The following GABRB1 variants were observed in gnomAD, a reference collection of about 807,000 sequenced individuals.
GABRB1 encodes the protein gamma-aminobutyric acid receptor subunit beta-1.
A neutral mutation model predicts 51.6 loss-of-function variants in GABRB1; 17 were observed. The observed-to-expected ratio is 0.33, with a 90% CI of 0.23 to 0.49. The LOEUF (loss-of-function observed/expected upper bound fraction) is 0.49. Ranked by LOEUF, GABRB1 falls within the 20% of genes least tolerant of loss-of-function variation. The probability of loss-of-function intolerance (pLI) is 0.99; values close to 1 mark genes in which losing one functional copy is unlikely to be tolerated. For missense variants in GABRB1, 410 were observed against 600.6 expected (o/e 0.68, Z 3.32); for synonymous variants, 247 against 218.9 (o/e 1.13, Z -1.14).
intron 3 of GABRB1, among the ~76,000 whole-genome samples, chr4:47,098,668 T>C (rs886603388): frequency 6.6e-6 from 1 of 152,094 alleles, no homozygotes; most frequent in African/African-American, 2.4e-5. Context: ...AGAGTAAAAA[T>C]TGATATTCAC....
intron 1 of GABRB1, among the ~76,000 whole-genome samples, chr4:47,001,371 T>C (rs1213770539): frequency 1.3e-5 from 2 of 152,156 alleles, no homozygotes; most frequent in African/African-American, 2.4e-5. Context: ...CTGAATCTCC[T>C]GACCTCGTGA....
At chr4:47,019,986 A>G (rs28570323) in intron 1 of GABRB1, among the ~76,000 whole-genome samples, 5,126 of 151,514 alleles carry the variant, frequency 0.034, 271 homozygotes, top group African/African-American at 0.12. Context: ...GGGTTTCACC[A>G]TGTTGCCTAG....
intron 3 of GABRB1, among the ~76,000 whole-genome samples, chr4:47,042,717 G>C (rs1028299376): frequency 2.0e-5 from 3 of 151,664 alleles, no homozygotes; most frequent in Admixed American, 2.0e-4. Flanking sequence ...TTTTAAATAA[G>C]AATAGTTATA....
intron 3 of GABRB1, 96 bp downstream of exon 3, chr4:47,032,580 C>A (rs536459956): frequency 1.7e-6 from 2 of 1,197,168 alleles, no homozygotes; most frequent in Non-Finnish European, 2.5e-6. Context: ...GGTCACCTCG[C>A]CCCTGGCCCC....
intron 3 of GABRB1, among the ~76,000 whole-genome samples, chr4:47,088,996 A>G (rs1728187247): frequency 6.6e-6 from 1 of 152,336 alleles, no homozygotes; most frequent in Non-Finnish European, 1.5e-5. Flanking sequence ...TTCTTCTTCT[A>G]GCTGCCAATT....
chr4:47,122,674 A>G (rs1430613396), intron 3 of GABRB1, among the ~76,000 whole-genome samples: 2 of 152,186 alleles, frequency 1.3e-5, no homozygotes, highest in African/African-American at 2.4e-5. Flanking sequence ...GAGGGGAAGT[A>G]TGATAGACTT....
chr4:47,111,230 T>C (rs1715197010), intron 3 of GABRB1, among the ~76,000 whole-genome samples: 1 of 152,086 alleles, frequency 6.6e-6, no homozygotes, highest in African/African-American at 2.4e-5. Context: ...TTGAAGATAA[T>C]TTTTCAACGT....
At position 47,231,927 on chromosome 4, in the gene GABRB1, T is replaced by A. The variant is rs576812250; in HGVS notation, c.461+70458T>A. 2.0e-5 allele frequency among the ~76,000 whole-genome samples: 3 copies of A among 152,334 alleles called. No individual in the cohort carries two copies. In the East Asian group the frequency reaches 5.8e-4, roughly 29 times the overall value. ...CATTATCATTAGCTTGTTGTATTTT[T>A]AAAATATTGTATCCAAGTAGCGTTA... is the stretch of plus-strand genomic sequence containing the variant. On this transcript the variant is annotated intron_variant, in intron 4 of 8. Transcript: ENST00000295454.
chr4:47,265,544 T>C (rs1407351766), intron 4 of GABRB1, among the ~76,000 whole-genome samples: 1 of 152,200 alleles, frequency 6.6e-6, no homozygotes, highest in Non-Finnish European at 1.5e-5. Flanking sequence ...GTTGTACTAG[T>C]TTATATGCCC....
At chr4:47,406,654 A>C in intron 7 of GABRB1, 28 bp from the exon 8 acceptor site, 1 of 1,612,946 alleles carries the variant, frequency 6.2e-7, no homozygotes, top group South Asian at 1.1e-5. Flanking sequence ...TGGCACCTTC[A>C]GCTAAGTGTT....
chr4:47,174,980 A>T (rs192803955), intron 4 of GABRB1, among the ~76,000 whole-genome samples: 1,336 of 101,828 alleles, frequency 0.013, 21 homozygotes, highest in African/African-American at 0.049. Flanking sequence ...TCCTTTCATC[A>T]TTCCTTCCTT....
chr4:47,091,420 G>A (rs929409924), intron 3 of GABRB1, among the ~76,000 whole-genome samples: 2 of 151,994 alleles, frequency 1.3e-5, no homozygotes, highest in African/African-American at 4.8e-5. Context: ...AAAATATACT[G>A]AGGAGTTAGA....
chr4:47,156,314 T>A (rs772155105), intron 3 of GABRB1, among the ~76,000 whole-genome samples: 1 of 152,038 alleles, frequency 6.6e-6, no homozygotes, highest in Non-Finnish European at 1.5e-5. Context: ...TCTCTGATGA[T>A]TAGTGATAAA....
chr4:47,402,553 C>G (rs1199874123), intron 5 of GABRB1, among the ~76,000 whole-genome samples: 1 of 152,078 alleles, frequency 6.6e-6, no homozygotes, highest in Non-Finnish European at 1.5e-5. Flanking sequence ...TAGACCACTG[C>G]CAGGTGGGAG....
At chr4:47,184,370 T>C (rs1560575586) in intron 4 of GABRB1, among the ~76,000 whole-genome samples, 1 of 151,920 alleles carries the variant, frequency 6.6e-6, no homozygotes, top group Non-Finnish European at 1.5e-5. Flanking sequence ...TAAGAACTGG[T>C]ATGTTTCTAA....
intron 4 of GABRB1, among the ~76,000 whole-genome samples, chr4:47,222,028 T>C (rs1259366323): frequency 6.6e-6 from 1 of 152,044 alleles, no homozygotes; most frequent in Non-Finnish European, 1.5e-5. Context: ...AAAATCAAAA[T>C]TACGAATGAT....
chr4:47,369,455 AC>A lies in GABRB1; in HGVS notation c.545-33862del, dbSNP rs536101706. 1.9e-3 allele frequency among the ~76,000 whole-genome samples: 287 copies of A among 148,214 alleles called. 1 individual carries two copies. The highest frequency in any genetic ancestry group is 6.7e-3 in the African/African-American group (273 of 40,894). ...TATTTACACACACACACACACACAC[AC>A]ACACACTCATTTCTACAAAATAGGT... On this transcript the variant is annotated intron_variant, in intron 5 of 8. Coordinates refer to ENST00000295454, the MANE Select transcript of GABRB1 (RefSeq NM_000812.4).
intron 4 of GABRB1, among the ~76,000 whole-genome samples, chr4:47,206,224 G>T (rs531579877): frequency 6.6e-6 from 1 of 152,130 alleles, no homozygotes; most frequent in Non-Finnish European, 1.5e-5. Context: ...GAGAATGGAG[G>T]TTAAAATGCT....
At chr4:47,228,233 T>A (rs1310940786) in intron 4 of GABRB1, among the ~76,000 whole-genome samples, 1 of 152,176 alleles carries the variant, frequency 6.6e-6, no homozygotes, top group Non-Finnish European at 1.5e-5. Context: ...GAGTGAGAAA[T>A]GATATGATTT....
Sources: allele counts gnomAD v4.1 joint callset (sites outside exome capture counted in the v4.1 genomes callset), GRCh38; gene constraint gnomAD v4.1.1; transcripts MANE v1.5; gene names NCBI Gene and HGNC (gene_info 2026-07-23, HGNC 2026-07-21).